Variants in FGFR2 observed in about 807,000 individuals in gnomAD.
The protein encoded by FGFR2 is BEK fibroblast growth factor receptor.
FGFR2 carries 19 observed loss-of-function variants against 95.9 expected under a neutral mutation model. That is an observed-to-expected ratio of 0.20 (90% confidence interval 0.14 to 0.29). The LOEUF is 0.29. FGFR2 is among the 10% of genes least tolerant of loss of function. The pLI is 1.00. For missense variants in FGFR2, 707 were observed against 1,056.9 expected, an observed-to-expected ratio of 0.67 and a Z score of 4.59; for synonymous variants, 392 against 393.3, an observed-to-expected ratio of 1.00 and a Z score of 0.04.
At chr10:121,571,294 CTTTTTTTTTTTTTT>C (rs35943673) in intron 2 of FGFR2, among the ~76,000 whole-genome samples, 1 of 39,300 alleles carries the variant, frequency 2.5e-5, no homozygotes, top group African/African-American at 1.0e-4. Flanking sequence ...CGTGCCTGGC[CTTTTTTTTTTTTTT>C]TTTTTTTTTT....
intron 14 of FGFR2, 114 bp from the exon 15 acceptor site, chr10:121,487,538 A>G: frequency 1.2e-6 from 1 of 804,458 alleles, no homozygotes; most frequent in Non-Finnish European, 2.1e-6. Flanking sequence ...TTTACTAGTC[A>G]GTCAATAGAG....
At chr10:121,552,977 C>T (rs1218295317) in intron 4 of FGFR2, among the ~76,000 whole-genome samples, 1 of 152,140 alleles carries the variant, frequency 6.6e-6, no homozygotes, top group African/African-American at 2.4e-5. Flanking sequence ...GGGTGTAGAG[C>T]ACGTCCCTGG....
At chr10:121,525,289 A>G (rs1851204343) in intron 6 of FGFR2, among the ~76,000 whole-genome samples, 1 of 152,218 alleles carries the variant, frequency 6.6e-6, no homozygotes, top group Non-Finnish European at 1.5e-5. Context: ...ATTCCAAATT[A>G]AGACGGAATG....
At chr10:121,509,822 C>G (rs1408107422) in intron 9 of FGFR2, among the ~76,000 whole-genome samples, 2 of 151,844 alleles carry the variant, frequency 1.3e-5, no homozygotes, top group Non-Finnish European at 2.9e-5. Context: ...AATTTACCAT[C>G]TAGAGGGGAT....
intron 1 of FGFR2, among the ~76,000 whole-genome samples, chr10:121,597,747 T>C (rs546984701): frequency 1.3e-5 from 2 of 152,196 alleles, no homozygotes; most frequent in South Asian, 4.1e-4. Context: ...TGGATGGGGG[T>C]AGCAGAGGCA....
intron 13 of FGFR2, among the ~76,000 whole-genome samples, chr10:121,489,912 T>C (rs1845907093): frequency 1.3e-5 from 2 of 152,194 alleles, no homozygotes; most frequent in South Asian, 2.1e-4. Flanking sequence ...ACCTCCTCCA[T>C]GTCCCATGAC....
intron 17 of FGFR2, chr10:121,481,814 T>C: frequency 1.4e-5 from 3 of 214,082 alleles, no homozygotes; most frequent in Non-Finnish European, 2.8e-5. Context: ...TTAGTGCTTT[T>C]CCCGGTTTCT....
At chr10:121,562,787 G>C (rs1362349943) in intron 4 of FGFR2, among the ~76,000 whole-genome samples, 5 of 152,170 alleles carry the variant, frequency 3.3e-5, no homozygotes, top group African/African-American at 9.7e-5. Context: ...ACACACTTTG[G>C]GTGATAATGA....
chr10:121,597,868 C>T (rs535948180), intron 1 of FGFR2, 94 bp downstream of exon 1: 63 of 383,082 alleles, frequency 1.6e-4, no homozygotes, highest in Middle Eastern at 1.3e-3. Flanking sequence ...CCGCGCCCCC[C>T]GCCCGGAGGA....
chr10:121,594,002 C>T, intron 1 of FGFR2, 35 bp from the exon 2 acceptor site: 3 of 684,230 alleles, frequency 4.4e-6, no homozygotes, highest in Non-Finnish European at 8.0e-6. Context: ...AGGGAATCTT[C>T]CCCAATGCCA....
At chr10:121,529,854 C>T (rs138875286) in intron 6 of FGFR2, among the ~76,000 whole-genome samples, 191 of 152,316 alleles carry the variant, frequency 1.3e-3, no homozygotes, top group African/African-American at 3.6e-3. Context: ...GCTGCGTGAG[C>T]GTGCCACGTG....
chr10:121,568,247 T>G (rs985988811), intron 2 of FGFR2, among the ~76,000 whole-genome samples: 1 of 152,120 alleles, frequency 6.6e-6, no homozygotes, highest in African/African-American at 2.4e-5. Context: ...ACGCTATTGG[T>G]CCAACCCCTT....
At chr10:121,522,914 T>A (rs1175920174) in intron 6 of FGFR2, among the ~76,000 whole-genome samples, 2 of 152,232 alleles carry the variant, frequency 1.3e-5, no homozygotes, top group Non-Finnish European at 1.5e-5. Context: ...CTCTGCACTG[T>A]ACCTGAGAAT....
rs550117105 is a variant in FGFR2, at chr10:121,531,018, C to T, written c.748+7574G>A. Among the ~76,000 whole-genome samples, 1 of 152,300 alleles carries T rather than the reference C, an allele frequency of 6.6e-6. No homozygotes were observed. The highest frequency in any genetic ancestry group is 2.4e-5 in the African/African-American group (1 of 41,568). ...CACTTCTACATCCTCTTTGCCCACA[C>T]CATAAATGAAATGCCAAGATTAAAT... is the stretch of plus-strand genomic sequence containing the variant. On this transcript the variant is annotated intron_variant, in intron 6 of 17. Coordinates refer to ENST00000358487, the MANE Select transcript of FGFR2 (RefSeq NM_000141.5). This position sits in a 1 kb window ranked among gnomAD's most constrained non-coding sequence, Gnocchi z 4.5.
At position 121,575,657 on chromosome 10, in the gene FGFR2, G is replaced by A. The variant is rs41302269; in HGVS notation, c.110-9953C>T. The stretch of plus-strand genomic sequence containing the variant: ...ATCACCTGAGGTCAGGAGTTCAAGA[G>A]CAGCCTGGCCAACATGGTGAAACCC... On this transcript the variant is annotated intron_variant, in intron 2 of 17. Transcript: ENST00000358487. Among the ~76,000 whole-genome samples, 147 of 150,674 alleles carry A rather than the reference G, an allele frequency of 9.8e-4. 1 individual carries two copies. In the East Asian group the frequency reaches 0.026, roughly 27 times the overall value.
intron 5 of FGFR2, among the ~76,000 whole-genome samples, chr10:121,540,125 G>C (rs999221465): frequency 6.6e-6 from 1 of 152,200 alleles, no homozygotes; most frequent in South Asian, 2.1e-4. Context: ...CCTTAACAGA[G>C]TACAAGCAGT....
In FGFR2 at chr10:121,517,508, A is replaced by G; in HGVS notation, c.940-45T>C. 6.2e-7 allele frequency: 1 copy of G among 1,613,312 alleles called. No individual in the cohort carries two copies. The highest frequency in any genetic ancestry group is 8.5e-7 in the Non-Finnish European group (1 of 1,179,604). On this transcript the variant is annotated intron_variant, in intron 7 of 17. Coordinates refer to ENST00000358487, the MANE Select transcript of FGFR2 (RefSeq NM_000141.5). This position sits in a 1 kb window ranked among gnomAD's most constrained non-coding sequence, Gnocchi z 4.7. ...AAAGAAAAGGCTAGACGACACAGGAATGATTGTGGAGGGGGCTGTGGAACC... is the reference window on the plus strand; with the variant it reads ...AAAGAAAAGGCTAGACGACACAGGAGTGATTGTGGAGGGGGCTGTGGAACC...
At chr10:121,510,061 C>G (rs1564900327) in intron 9 of FGFR2, among the ~76,000 whole-genome samples, 2 of 152,096 alleles carry the variant, frequency 1.3e-5, no homozygotes, top group Non-Finnish European at 2.9e-5. Flanking sequence ...TATGGCCAAA[C>G]AAAATGCTTT....
chr10:121,495,009 C>T (rs1846592962), intron 13 of FGFR2, among the ~76,000 whole-genome samples: 1 of 152,114 alleles, frequency 6.6e-6, no homozygotes, highest in African/African-American at 2.4e-5. Context: ...TCTCATCGGC[C>T]CCCTTTTATC....
Sources: gnomAD v4.1 joint callset for allele counts (sites outside exome capture counted in the v4.1 genomes callset) on GRCh38, gnomAD v4.1.1 for gene constraint, Gnocchi (gnomAD v3.1) non-coding constraint, MANE v1.5 for transcripts, NCBI Gene and HGNC (gene_info 2026-07-23, HGNC 2026-07-21) for gene names.